The following ITPKB variants were observed in gnomAD, a reference collection of about 807,000 sequenced individuals.
The protein encoded by ITPKB is IP3 3-kinase B.
A neutral mutation model predicts 69.4 loss-of-function variants in ITPKB; 13 were observed. That is an observed-to-expected ratio of 0.19 (90% CI 0.12 to 0.30). The LOEUF is 0.30. Ranked by LOEUF, ITPKB falls within the 10% of genes least tolerant of loss-of-function variation. The probability of loss-of-function intolerance (pLI) is 1.00; values close to 1 mark genes in which losing one functional copy is unlikely to be tolerated. For missense variants in ITPKB, 1,240 were observed against 1,250.5 expected (o/e 0.99, Z 0.13); for synonymous variants, 584 against 513.7 (o/e 1.14, Z -1.85).
In ITPKB at chr1:226,698,429, A is replaced by G. The variant is rs114593633; in HGVS notation, c.1932+37098T>C. Among the ~76,000 whole-genome samples, 1,058 of 152,318 alleles carry G rather than the reference A, an allele frequency of 6.9e-3. 6 individuals are homozygous for G. Among genetic ancestry groups the G allele is most frequent in the Admixed American group, 0.011 (173 of 15,298 alleles). ...CACTGGGCCAATTAGAGGAGGACCA[A>G]CCTTTCAGAATCGTAAGACTGGAAA... is the stretch of plus-strand genomic sequence containing the variant. On this transcript the variant is annotated intron_variant, in intron 2 of 7. Coordinates refer to ENST00000429204, the MANE Select transcript of ITPKB (RefSeq NM_002221.4).
At chr1:226,712,033 G>A (rs181224068) in intron 2 of ITPKB, among the ~76,000 whole-genome samples, 172 of 152,296 alleles carry the variant, frequency 1.1e-3, no homozygotes, top group African/African-American at 4.0e-3. Flanking sequence ...TCCGGGAGAA[G>A]GGCTTCAGGA....
intron 2 of ITPKB, chr1:226,707,705 A>G (rs966260258): frequency 6.8e-6 from 7 of 1,029,508 alleles, no homozygotes; most frequent in Non-Finnish European, 5.9e-6. Flanking sequence ...ATTACAAATT[A>G]CAACTTCAAG....
At chr1:226,698,870 C>T (rs1333684421) in intron 2 of ITPKB, among the ~76,000 whole-genome samples, 2 of 152,242 alleles carry the variant, frequency 1.3e-5, no homozygotes, top group East Asian at 3.8e-4. Flanking sequence ...GGTACCCTCT[C>T]CAACCTGTTG....
At chr1:226,703,870 T>C (rs924033020) in intron 2 of ITPKB, among the ~76,000 whole-genome samples, 1 of 152,254 alleles carries the variant, frequency 6.6e-6, no homozygotes, top group Admixed American at 6.5e-5. Flanking sequence ...AGGGTTGAAC[T>C]GTAGGTCAGC....
intron 2 of ITPKB, among the ~76,000 whole-genome samples, chr1:226,669,748 TAAAAACAA>T (rs1251420807): frequency 6.6e-6 from 1 of 152,054 alleles, no homozygotes; most frequent in Non-Finnish European, 1.5e-5. Context: ...AACAAATGGG[TAAAAACAA>T]TCTCAGGTGC....
intron 2 of ITPKB, among the ~76,000 whole-genome samples, chr1:226,659,340 G>T (rs1179662000): frequency 1.3e-5 from 2 of 152,012 alleles, no homozygotes; most frequent in Non-Finnish European, 2.9e-5. Flanking sequence ...CCTCACCAAG[G>T]CTCCCTGACC....
intron 2 of ITPKB, among the ~76,000 whole-genome samples, chr1:226,658,841 C>T (rs146860665): frequency 7.2e-5 from 11 of 152,216 alleles, no homozygotes; most frequent in Non-Finnish European, 1.6e-4. Context: ...GGCAGGAGAA[C>T]GAGGATGATG....
chr1:226,691,141 G>T (rs1656339427), intron 2 of ITPKB, among the ~76,000 whole-genome samples: 1 of 152,116 alleles, frequency 6.6e-6, no homozygotes, highest in South Asian at 2.1e-4. Context: ...TGGTGGTGAT[G>T]GCTGCGTGAC....
chr1:226,651,880 G>T (rs1669201151), intron 2 of ITPKB, among the ~76,000 whole-genome samples: 1 of 152,152 alleles, frequency 6.6e-6, no homozygotes, highest in Non-Finnish European at 1.5e-5. Flanking sequence ...TTTACCGCTT[G>T]GCTCCCCTCT....
intron 2 of ITPKB, among the ~76,000 whole-genome samples, chr1:226,691,106 A>T (rs1217635520): frequency 6.6e-6 from 1 of 152,188 alleles, no homozygotes; most frequent in Non-Finnish European, 1.5e-5. Context: ...TCAGTTTGAG[A>T]AAATGAAAAA....
intron 2 of ITPKB, among the ~76,000 whole-genome samples, chr1:226,654,202 T>C (rs1023236607): frequency 1.3e-5 from 2 of 152,080 alleles, no homozygotes; most frequent in East Asian, 3.9e-4. Flanking sequence ...ATTCAGAGAA[T>C]GTGGAGAGAG....
chr1:226,734,662 A>G (rs1657693134), intron 2 of ITPKB, among the ~76,000 whole-genome samples: 1 of 152,216 alleles, frequency 6.6e-6, no homozygotes, highest in South Asian at 2.1e-4. Context: ...TAAGAGTAAA[A>G]GCAGCCTACA....
At chr1:226,705,928 G>T (rs1656792345) in intron 2 of ITPKB, among the ~76,000 whole-genome samples, 1 of 152,204 alleles carries the variant, frequency 6.6e-6, no homozygotes, top group Non-Finnish European at 1.5e-5. Context: ...CATCAGAAGG[G>T]ATTCCCCTCA....
At chr1:226,649,315 A>G (rs12405164) in intron 2 of ITPKB, among the ~76,000 whole-genome samples, 26,514 of 144,406 alleles carry the variant, frequency 0.18, 2,333 homozygotes, top group Middle Eastern at 0.32. Context: ...GTGTGTGCAT[A>G]TGTGTGCATG....
At chr1:226,651,383 G>C (rs6669294) in intron 2 of ITPKB, among the ~76,000 whole-genome samples, 2,689 of 152,332 alleles carry the variant, frequency 0.018, 86 homozygotes, top group African/African-American at 0.06. Flanking sequence ...TTTGTAAAAA[G>C]AGCGACACAT....
intron 2 of ITPKB, among the ~76,000 whole-genome samples, chr1:226,677,669 C>G (rs757549138): frequency 4.7e-4 from 72 of 152,328 alleles, no homozygotes; most frequent in African/African-American, 1.6e-3. Flanking sequence ...GATGGAGAAG[C>G]AAAGAGAAAC....
At chr1:226,638,103 G>A (rs1216349414) in intron 6 of ITPKB, among the ~76,000 whole-genome samples, 7 of 152,224 alleles carry the variant, frequency 4.6e-5, no homozygotes, top group South Asian at 2.1e-4. Context: ...TGGGAAGCTC[G>A]TCATACACAG....
At chr1:226,695,245 A>C (rs1656448613) in intron 2 of ITPKB, among the ~76,000 whole-genome samples, 1 of 152,202 alleles carries the variant, frequency 6.6e-6, no homozygotes, top group South Asian at 2.1e-4. Context: ...ATAAGTAAAT[A>C]AATAAATAAA....
intron 2 of ITPKB, among the ~76,000 whole-genome samples, chr1:226,663,950 C>T (rs1669447938): frequency 6.6e-6 from 1 of 152,192 alleles, no homozygotes; most frequent in African/African-American, 2.4e-5. Flanking sequence ...AAGGGCTGCA[C>T]CCCAGGTCCT....
Sources: gnomAD v4.1 joint callset for allele counts (sites outside exome capture counted in the v4.1 genomes callset) on GRCh38, gnomAD v4.1.1 for gene constraint, MANE v1.5 for transcripts, NCBI Gene and HGNC (gene_info 2026-07-23, HGNC 2026-07-21) for gene names.